The following SCHIP1 variants were observed in gnomAD, a reference collection of about 807,000 sequenced individuals.
SCHIP1 encodes the protein schwannomin-interacting protein 1.
Under a neutral mutation model 29.7 loss-of-function variants are expected in SCHIP1, and 8 were observed. The observed-to-expected ratio is 0.27, with a 90% CI of 0.16 to 0.49. The LOEUF (loss-of-function observed/expected upper bound fraction) is 0.49. Among genes scored for constraint, SCHIP1 ranks in the 20% least tolerant of loss-of-function variants. SCHIP1 has a pLI of 0.99. For synonymous variants in SCHIP1, 76 were observed against 94.9 expected, an observed-to-expected ratio of 0.80 and a Z score of 1.16; for missense variants, 193 against 294.6, an observed-to-expected ratio of 0.66 and a Z score of 2.52.
chr3:159,344,217 A>C, the SCHIP1 span, among the ~76,000 whole-genome samples: 2 of 151,672 alleles, frequency 1.3e-5, no homozygotes, highest in South Asian at 4.2e-4. Context: ...GCTACTCAGA[A>C]GGCTGAGGCA....
chr3:159,394,587 C>T, the SCHIP1 span, among the ~76,000 whole-genome samples: 1 of 152,060 alleles, frequency 6.6e-6, no homozygotes, highest in Non-Finnish European at 1.5e-5. Flanking sequence ...TGGTTTTTGT[C>T]TTTGGCTCTG....
the SCHIP1 span, among the ~76,000 whole-genome samples, chr3:159,616,393 C>T: frequency 9.2e-5 from 14 of 152,156 alleles, no homozygotes; most frequent in Admixed American, 2.0e-4. Context: ...TGAGCCACCA[C>T]GCCTGGCCAC....
the SCHIP1 span, among the ~76,000 whole-genome samples, chr3:159,314,291 C>T: frequency 6.6e-6 from 1 of 152,158 alleles, no homozygotes; most frequent in East Asian, 1.9e-4. Flanking sequence ...TCCATCTCAG[C>T]AGAAACTGGA....
the SCHIP1 span, among the ~76,000 whole-genome samples, chr3:159,468,756 A>ATATAT: frequency 8.1e-6 from 1 of 123,858 alleles, no homozygotes; most frequent in African/African-American, 3.0e-5. Flanking sequence ...TATATAATAT[A>ATATAT]ATATATATAT....
chr3:159,441,210 C>T, the SCHIP1 span, among the ~76,000 whole-genome samples: 3 of 152,080 alleles, frequency 2.0e-5, no homozygotes, highest in African/African-American at 7.2e-5. Flanking sequence ...TTGTAATATG[C>T]GCTTTTCATT....
the SCHIP1 span, among the ~76,000 whole-genome samples, chr3:159,798,252 C>G: frequency 6.6e-6 from 1 of 152,192 alleles, no homozygotes; most frequent in Non-Finnish European, 1.5e-5. Flanking sequence ...TTAATCTTTT[C>G]TGTTTCTGCT....
At chr3:159,386,521 C>G in the SCHIP1 span, among the ~76,000 whole-genome samples, 2 of 152,104 alleles carry the variant, frequency 1.3e-5, no homozygotes, top group African/African-American at 2.4e-5. Context: ...CATTGACTTT[C>G]TTCACAGTAT....
the SCHIP1 span, among the ~76,000 whole-genome samples, chr3:159,597,122 C>G: frequency 6.6e-6 from 1 of 152,060 alleles, no homozygotes; most frequent in Non-Finnish European, 1.5e-5. Flanking sequence ...GGGAAACAAA[C>G]AGCCCAGGGC....
At chr3:159,697,830 A>T in the SCHIP1 span, among the ~76,000 whole-genome samples, 1,040 of 152,348 alleles carry the variant, frequency 6.8e-3, 16 homozygotes, top group African/African-American at 0.024. Context: ...AAATTAAAGC[A>T]TAGTTACAGT....
At chr3:159,323,693 G>A in the SCHIP1 span, among the ~76,000 whole-genome samples, 1 of 152,198 alleles carries the variant, frequency 6.6e-6, no homozygotes, top group Admixed American at 6.5e-5. Flanking sequence ...CAAAGGCTAT[G>A]TATTCAAAGC....
the SCHIP1 span, among the ~76,000 whole-genome samples, chr3:159,383,376 A>G: frequency 1.3e-5 from 2 of 150,548 alleles, no homozygotes; most frequent in Admixed American, 6.6e-5. Context: ...TCCTTTCCCC[A>G]TTGCTTGTTT....
At chr3:159,895,348 C>G (rs1296278851) in intron 6 of SCHIP1, among the ~76,000 whole-genome samples, 2 of 152,278 alleles carry the variant, frequency 1.3e-5, no homozygotes, top group East Asian at 1.9e-4. Context: ...ATGACACATT[C>G]TGCATAAAAC....
chr3:159,693,325 A>G, the SCHIP1 span, among the ~76,000 whole-genome samples: 15 of 152,236 alleles, frequency 9.9e-5, no homozygotes, highest in Non-Finnish European at 8.8e-5. Flanking sequence ...CTTTCTTCCA[A>G]GGATAAAATA....
the SCHIP1 span, among the ~76,000 whole-genome samples, chr3:159,637,030 T>C: frequency 6.6e-6 from 1 of 152,200 alleles, no homozygotes; most frequent in Non-Finnish European, 1.5e-5. Flanking sequence ...ACTACTGATA[T>C]GAATCAAATG....
the SCHIP1 span, among the ~76,000 whole-genome samples, chr3:159,708,149 G>T: frequency 6.6e-6 from 1 of 152,168 alleles, no homozygotes; most frequent in East Asian, 1.9e-4. Flanking sequence ...ACACAAAAAG[G>T]CTGGGTCCAT....
At chr3:159,677,288 C>A in the SCHIP1 span, among the ~76,000 whole-genome samples, 1 of 152,182 alleles carries the variant, frequency 6.6e-6, no homozygotes, top group Non-Finnish European at 1.5e-5. Context: ...CACTAGTATG[C>A]ACACTCAGAG....
the SCHIP1 span, among the ~76,000 whole-genome samples, chr3:159,554,827 G>A: frequency 3.3e-5 from 5 of 151,794 alleles, no homozygotes; most frequent in African/African-American, 9.7e-5. Flanking sequence ...TGTAGCTAGG[G>A]CATATCCAGT....
At chr3:159,277,915 A>G in the SCHIP1 span, among the ~76,000 whole-genome samples, 10,678 of 151,806 alleles carry the variant, frequency 0.07, 1,254 homozygotes, top group African/African-American at 0.24. Flanking sequence ...CTCCGTCTCA[A>G]AAGAAAAAAA....
At chr3:159,761,081 G>C in the SCHIP1 span, among the ~76,000 whole-genome samples, 3 of 152,246 alleles carry the variant, frequency 2.0e-5, no homozygotes, top group African/African-American at 7.2e-5. Flanking sequence ...AAGAAGTGGG[G>C]TGGAGGAGGA....
Sources: gnomAD v4.1 joint callset for allele counts (sites outside exome capture counted in the v4.1 genomes callset) on GRCh38, gnomAD v4.1.1 for gene constraint, MANE v1.5 for transcripts, NCBI Gene and HGNC (gene_info 2026-07-23, HGNC 2026-07-21) for gene names.